Variants in PHACTR3 observed in about 807,000 individuals in gnomAD.
PHACTR3 encodes the protein phosphatase and actin regulator 3, also known as protein phosphatase 1, regulatory subunit 123.
PHACTR3 carries 16 observed loss-of-function variants against 66.8 expected under a neutral mutation model. That is an observed-to-expected ratio of 0.24 (90% CI 0.16 to 0.36). The LOEUF is 0.36. PHACTR3 is among the 10% of genes least tolerant of loss of function. PHACTR3 has a pLI of 1.00. For missense variants in PHACTR3, 647 were observed against 719.9 expected, an observed-to-expected ratio of 0.90 and a Z score of 1.16; for synonymous variants, 323 against 292.1, an observed-to-expected ratio of 1.11 and a Z score of -1.08.
chr20:59,671,784 G>T (rs1321745575), intron 1 of PHACTR3, among the ~76,000 whole-genome samples: 1 of 152,242 alleles, frequency 6.6e-6, no homozygotes, highest in Non-Finnish European at 1.5e-5. Flanking sequence ...GCCAGGCTGC[G>T]TGGCTGCTGC....
intron 7 of PHACTR3, among the ~76,000 whole-genome samples, chr20:59,788,119 C>T (rs934275040): frequency 6.6e-6 from 1 of 152,158 alleles, no homozygotes; most frequent in East Asian, 1.9e-4. Context: ...ACTCTTCTCC[C>T]CAAGACCCCA....
At chr20:59,605,953 T>G (rs1485200377) in intron 1 of PHACTR3, among the ~76,000 whole-genome samples, 1 of 151,954 alleles carries the variant, frequency 6.6e-6, no homozygotes, top group Non-Finnish European at 1.5e-5. Context: ...CAATTTTCAC[T>G]TCACAGGGAG....
intron 1 of PHACTR3, among the ~76,000 whole-genome samples, chr20:59,656,151 A>G (rs2146462771): frequency 6.6e-6 from 1 of 151,984 alleles, no homozygotes. Context: ...GATGTCTGTC[A>G]TATGGTATAT....
At chr20:59,827,890 A>G (rs376983239) in intron 8 of PHACTR3, among the ~76,000 whole-genome samples, 73 of 152,256 alleles carry the variant, frequency 4.8e-4, no homozygotes, top group African/African-American at 1.7e-3. Flanking sequence ...CTATGCCCTC[A>G]GGACACAGGA....
chr20:59,716,024 G>C (rs2038078545), intron 1 of PHACTR3, among the ~76,000 whole-genome samples: 2 of 152,130 alleles, frequency 1.3e-5, no homozygotes, highest in South Asian at 4.1e-4. Flanking sequence ...GTTTGAGAGT[G>C]TGTGTCCATG....
At chr20:59,763,794 G>T (rs2040083498) in intron 4 of PHACTR3, among the ~76,000 whole-genome samples, 1 of 152,170 alleles carries the variant, frequency 6.6e-6, no homozygotes, top group Non-Finnish European at 1.5e-5. Context: ...AGCAGAGGTG[G>T]CCAGAGCTCC....
intron 1 of PHACTR3, among the ~76,000 whole-genome samples, chr20:59,613,734 C>T (rs2033935390): frequency 6.6e-6 from 1 of 152,166 alleles, no homozygotes; most frequent in African/African-American, 2.4e-5. Context: ...CCTTTCAAAC[C>T]TCAGATAGAA....
At chr20:59,812,204 C>T (rs1273347339) in intron 8 of PHACTR3, among the ~76,000 whole-genome samples, 2 of 152,236 alleles carry the variant, frequency 1.3e-5, no homozygotes, top group East Asian at 3.8e-4. Context: ...ATAGGGTAGG[C>T]ACCTCCTAAG....
intron 1 of PHACTR3, among the ~76,000 whole-genome samples, chr20:59,733,984 G>A (rs1394681386): frequency 6.6e-6 from 1 of 151,614 alleles, no homozygotes; most frequent in African/African-American, 2.4e-5. Context: ...CCTACAGTCT[G>A]CCATCCTCAC....
At chr20:59,827,555 C>G (rs957477997) in intron 8 of PHACTR3, among the ~76,000 whole-genome samples, 2 of 152,156 alleles carry the variant, frequency 1.3e-5, no homozygotes, top group African/African-American at 2.4e-5. Context: ...TCTCTCCTTT[C>G]AGTCTCACCA....
At chr20:59,710,733 C>A (rs139919411) in intron 1 of PHACTR3, among the ~76,000 whole-genome samples, 2 of 150,594 alleles carry the variant, frequency 1.3e-5, no homozygotes, top group African/African-American at 4.9e-5. Context: ...CAGGCCTCCT[C>A]CTCCTTTTTC....
At chr20:59,718,244 G>A (rs979314076) in intron 1 of PHACTR3, among the ~76,000 whole-genome samples, 2 of 152,118 alleles carry the variant, frequency 1.3e-5, no homozygotes, top group Non-Finnish European at 2.9e-5. Context: ...TTCTTAAGTT[G>A]CCACACAGTA....
chr20:59,631,497 T>C (rs2034662165), intron 1 of PHACTR3, among the ~76,000 whole-genome samples: 1 of 152,106 alleles, frequency 6.6e-6, no homozygotes, highest in Admixed American at 6.5e-5. Context: ...GGTAGGACTT[T>C]GTCTTGGTCC....
chr20:59,580,136 G>A (rs935264142), intron 1 of PHACTR3, among the ~76,000 whole-genome samples: 2 of 152,148 alleles, frequency 1.3e-5, no homozygotes, highest in Non-Finnish European at 2.9e-5. Context: ...GGAGGGGGCT[G>A]AGGCAGAGAG....
chr20:59,637,811 C>G (rs1012528916), intron 1 of PHACTR3, among the ~76,000 whole-genome samples: 1 of 151,904 alleles, frequency 6.6e-6, no homozygotes, highest in African/African-American at 2.4e-5. Flanking sequence ...TGAGAAGTTG[C>G]TAGAAGACAG....
At chr20:59,711,240 T>C (rs2146645863) in intron 1 of PHACTR3, among the ~76,000 whole-genome samples, 1 of 152,346 alleles carries the variant, frequency 6.6e-6, no homozygotes, top group Admixed American at 6.5e-5. Context: ...TCTTACTGTT[T>C]GGTTGTTTAC....
chr20:59,712,210 C>A (rs896642677), intron 1 of PHACTR3, among the ~76,000 whole-genome samples: 21 of 152,118 alleles, frequency 1.4e-4, no homozygotes, highest in African/African-American at 5.1e-4. Flanking sequence ...TGAAATCTAT[C>A]TTAGTGGGGG....
chr20:59,678,680 C>A, intron 1 of PHACTR3, among the ~76,000 whole-genome samples: 1 of 152,120 alleles, frequency 6.6e-6, no homozygotes, highest in East Asian at 1.9e-4. Flanking sequence ...ATAGTCCTTG[C>A]CAGAGCATAT....
chr20:59,584,803 T>C (rs1467685090), intron 1 of PHACTR3, among the ~76,000 whole-genome samples: 1 of 152,218 alleles, frequency 6.6e-6, no homozygotes, highest in Non-Finnish European at 1.5e-5. Context: ...AGACCTCGTC[T>C]GTGAAGCCTC....
Sources: allele counts gnomAD v4.1 joint callset (sites outside exome capture counted in the v4.1 genomes callset), GRCh38; gene constraint gnomAD v4.1.1; transcripts MANE v1.5; gene names NCBI Gene and HGNC (gene_info 2026-07-23, HGNC 2026-07-21).